Variants in NR3C2 observed in about 807,000 individuals in gnomAD.
The protein encoded by NR3C2 is mineralocorticoid receptor.
Under a neutral mutation model 86.4 loss-of-function variants are expected in NR3C2, and 15 were observed. The ratio of observed to expected loss-of-function variants is 0.17; its 90% confidence interval spans 0.12 to 0.27. NR3C2 has a LOEUF of 0.27. Among genes scored for constraint, NR3C2 ranks in the 10% least tolerant of loss-of-function variants. The probability of loss-of-function intolerance (pLI) is 1.00; values close to 1 mark genes in which losing one functional copy is unlikely to be tolerated. For synonymous variants in NR3C2, 458 were observed against 450.5 expected (o/e 1.02, Z -0.21); for missense variants, 960 against 1,195.6 (o/e 0.80, Z 2.91).
intron 2 of NR3C2, among the ~76,000 whole-genome samples, chr4:148,265,743 C>T (rs747993819): frequency 3.9e-5 from 6 of 152,108 alleles, no homozygotes; most frequent in African/African-American, 7.2e-5. Flanking sequence ...TAGAGCACAG[C>T]GAGAATTTGG....
intron 2 of NR3C2, among the ~76,000 whole-genome samples, chr4:148,413,352 A>G (rs1387856420): frequency 6.6e-6 from 1 of 152,142 alleles, no homozygotes; most frequent in East Asian, 1.9e-4. Context: ...ACTACATGAA[A>G]AGCTTTGAGA....
At chr4:148,411,834 T>G (rs1748721290) in intron 2 of NR3C2, among the ~76,000 whole-genome samples, 1 of 152,208 alleles carries the variant, frequency 6.6e-6, no homozygotes, top group Non-Finnish European at 1.5e-5. Context: ...TTATCTTGCT[T>G]CCTCTGCAAC....
At chr4:148,187,349 G>A (rs554016778) in intron 4 of NR3C2, among the ~76,000 whole-genome samples, 7 of 151,998 alleles carry the variant, frequency 4.6e-5, no homozygotes, top group African/African-American at 1.4e-4. Context: ...CCTGTTTACC[G>A]CATCTATGCC....
At position 148,114,996 on chromosome 4, in the gene NR3C2, G is replaced by C. The variant is rs191969974; in HGVS notation, c.2642-735C>G. 2.6e-5 allele frequency among the ~76,000 whole-genome samples: 4 copies of C among 152,292 alleles called. No homozygotes were observed. In the East Asian group the frequency reaches 7.7e-4, roughly 29 times the overall value. ...CATCAAAATATATTTTCCTATCTCT[G>C]AGGTATTGGCAAGTTAGGATTCACG... On this transcript the variant is annotated intron_variant, in intron 7 of 8. Transcript: ENST00000358102.
chr4:148,253,236 T>G (rs1439991061), intron 3 of NR3C2, among the ~76,000 whole-genome samples: 1 of 152,214 alleles, frequency 6.6e-6, no homozygotes, highest in Admixed American at 6.5e-5. Flanking sequence ...CTGCACTGGT[T>G]TGCAAACCAG....
At chr4:148,191,217 G>A (rs1280242302) in intron 4 of NR3C2, among the ~76,000 whole-genome samples, 2 of 152,104 alleles carry the variant, frequency 1.3e-5, no homozygotes, top group African/African-American at 4.8e-5. Context: ...TCTGAAAATG[G>A]CTGTATCTTT....
intron 2 of NR3C2, among the ~76,000 whole-genome samples, chr4:148,380,715 T>C (rs1472166635): frequency 6.6e-6 from 1 of 152,210 alleles, no homozygotes; most frequent in Non-Finnish European, 1.5e-5. Flanking sequence ...TTTCAGCATG[T>C]AGATTTTTAG....
In NR3C2 at chr4:148,081,380, C is replaced by A. The variant is rs767505106; in HGVS notation, c.2919G>T (p.Ser973=). 1 of 1,614,016 alleles carries A rather than the reference C, an allele frequency of 6.2e-7. No individual in the cohort carries two copies. The highest frequency in any genetic ancestry group is 1.3e-5 in the African/African-American group (1 of 74,906). ...IISDQLPKVE[S]GNAKPLYFHR... Reference sequence around the variant, plus strand: ...GGAAGTAGAGCGGCTTGGCGTTCCCCGACTCCACCTTGGGCAGCTGGTCGC... The same window carrying A: ...GGAAGTAGAGCGGCTTGGCGTTCCCAGACTCCACCTTGGGCAGCTGGTCGC... The change falls in exon 9 of 9, where the codon TCG becomes TCT. Residue 973 remains serine, a synonymous_variant. Coordinates refer to ENST00000358102, the MANE Select transcript of NR3C2 (RefSeq NM_000901.5).
At chr4:148,286,252 T>C (rs1231786818) in intron 2 of NR3C2, among the ~76,000 whole-genome samples, 1 of 152,234 alleles carries the variant, frequency 6.6e-6, no homozygotes, top group Admixed American at 6.5e-5. Context: ...AAGGAAACAC[T>C]GTAAAAACCC....
At chr4:148,225,198 A>G (rs1738079246) in intron 3 of NR3C2, among the ~76,000 whole-genome samples, 1 of 152,114 alleles carries the variant, frequency 6.6e-6, no homozygotes, top group African/African-American at 2.4e-5. Flanking sequence ...TAGCTTACTC[A>G]AGAAGCTAGA....
chr4:148,161,598 C>T (rs769938946), intron 4 of NR3C2, among the ~76,000 whole-genome samples: 1 of 152,072 alleles, frequency 6.6e-6, no homozygotes, highest in South Asian at 2.1e-4. Context: ...TCAGGTAATC[C>T]GTCTGCCTTG....
At chr4:148,351,332 A>C (rs1745262700) in intron 2 of NR3C2, among the ~76,000 whole-genome samples, 1 of 152,096 alleles carries the variant, frequency 6.6e-6, no homozygotes, top group African/African-American at 2.4e-5. Context: ...TAGTAGAGAC[A>C]GGGTTTCACC....
At chr4:148,437,075 T>C (rs529925927) in intron 1 of NR3C2, among the ~76,000 whole-genome samples, 1 of 152,338 alleles carries the variant, frequency 6.6e-6, no homozygotes, top group African/African-American at 2.4e-5. Context: ...GAAGCGATCA[T>C]ATAAAACTGT....
At chr4:148,431,035 T>A (rs1201354638) in intron 2 of NR3C2, among the ~76,000 whole-genome samples, 1 of 152,304 alleles carries the variant, frequency 6.6e-6, no homozygotes, top group African/African-American at 2.4e-5. Flanking sequence ...TGTGTTATGA[T>A]GCTATCAAAG....
chr4:148,289,801 G>A (rs1741711830), intron 2 of NR3C2, among the ~76,000 whole-genome samples: 3 of 151,916 alleles, frequency 2.0e-5, no homozygotes, highest in African/African-American at 7.3e-5. Context: ...CTTCTTGCTT[G>A]CTTGCTCTGA....
At chr4:148,367,841 ACTT>A (rs1283352563) in intron 2 of NR3C2, among the ~76,000 whole-genome samples, 2 of 151,850 alleles carry the variant, frequency 1.3e-5, no homozygotes, top group East Asian at 3.9e-4. Flanking sequence ...TTCAATGTAA[ACTT>A]CTTCAAAAAG....
At chr4:148,348,287 T>C (rs182811021) in intron 2 of NR3C2, among the ~76,000 whole-genome samples, 1 of 152,132 alleles carries the variant, frequency 6.6e-6, no homozygotes, top group African/African-American at 2.4e-5. Context: ...ATATGCTCTG[T>C]CCTCCCAGAG....
At chr4:148,351,643 G>A (rs1745282913) in intron 2 of NR3C2, among the ~76,000 whole-genome samples, 2 of 152,132 alleles carry the variant, frequency 1.3e-5, no homozygotes, top group Non-Finnish European at 2.9e-5. Context: ...GCAGGGCGAG[G>A]GCAGCATCTT....
intron 4 of NR3C2, among the ~76,000 whole-genome samples, chr4:148,175,798 C>T (rs1486063727): frequency 2.0e-5 from 3 of 152,032 alleles, no homozygotes; most frequent in Non-Finnish European, 4.4e-5. Context: ...GATTTGAAGA[C>T]TGCTAGAGTA....
Sources: allele counts gnomAD v4.1 joint callset (sites outside exome capture counted in the v4.1 genomes callset), GRCh38; gene constraint gnomAD v4.1.1; transcripts MANE v1.5; gene names NCBI Gene and HGNC (gene_info 2026-07-23, HGNC 2026-07-21).